Variants in RMDN2 observed in about 807,000 individuals in gnomAD.
The protein encoded by RMDN2 is regulator of microtubule dynamics 2, also known as regulator of microtubule dynamics protein 2.
RMDN2 carries 61 observed loss-of-function variants against 52.8 expected under a neutral mutation model. The ratio of observed to expected loss-of-function variants is 1.16; its 90% CI spans 0.94 to 1.43. The LOEUF (loss-of-function observed/expected upper bound fraction) is 1.43, where lower values mean the gene tolerates loss of function less well. Ranked by LOEUF, RMDN2 falls within the 40% of genes most tolerant of loss-of-function variation. The pLI is 0.00. For missense variants in RMDN2, 592 were observed against 475.3 expected, an observed-to-expected ratio of 1.25 and a Z score of -2.28; for synonymous variants, 180 against 153.1, an observed-to-expected ratio of 1.18 and a Z score of -1.30.
intron 10 of RMDN2, among the ~76,000 whole-genome samples, chr2:38,064,000 A>G (rs1225864242): frequency 6.6e-6 from 1 of 152,090 alleles, no homozygotes; most frequent in East Asian, 1.9e-4. Context: ...GTGTGTGTGT[A>G]TATATACATA....
At chr2:37,983,004 T>C (rs548678577) in intron 5 of RMDN2, among the ~76,000 whole-genome samples, 2 of 152,184 alleles carry the variant, frequency 1.3e-5, no homozygotes, top group African/African-American at 4.8e-5. Context: ...GTCCTACTTT[T>C]AACTCTCAAC....
intron 2 of RMDN2, among the ~76,000 whole-genome samples, chr2:37,933,198 A>C (rs945913929): frequency 5.3e-5 from 8 of 151,638 alleles, no homozygotes; most frequent in African/African-American, 1.9e-4. Flanking sequence ...GATGCTCCTC[A>C]CTTCCCAGAT....
chr2:37,934,773 T>G (rs1464680200), intron 2 of RMDN2, among the ~76,000 whole-genome samples: 1 of 152,162 alleles, frequency 6.6e-6, no homozygotes, highest in African/African-American at 2.4e-5. Flanking sequence ...CAGTTTCAAT[T>G]TTAAGTTATT....
chr2:37,983,309 A>G (rs960686668), intron 5 of RMDN2, among the ~76,000 whole-genome samples: 6 of 152,176 alleles, frequency 3.9e-5, no homozygotes, highest in African/African-American at 1.4e-4. Context: ...CTTGAAATGT[A>G]TCTTGTGAGC....
chr2:37,928,282 G>T (rs958481880), intron 1 of RMDN2, among the ~76,000 whole-genome samples: 2 of 152,198 alleles, frequency 1.3e-5, no homozygotes, highest in African/African-American at 4.8e-5. Flanking sequence ...ATGGCTGCTT[G>T]TTCTCTCAGA....
intron 2 of RMDN2, 117 bp from the exon 3 acceptor site, chr2:37,973,923 T>A (rs1672122684): frequency 1.3e-6 from 1 of 759,466 alleles, no homozygotes; most frequent in South Asian, 1.7e-5. Flanking sequence ...TGAAAGCACG[T>A]GCCACTGCAG....
intron 2 of RMDN2, among the ~76,000 whole-genome samples, chr2:37,966,345 A>T (rs566216061): frequency 2.5e-4 from 38 of 151,992 alleles, no homozygotes; most frequent in African/African-American, 8.2e-4. Context: ...TGAACCCAGG[A>T]GGCAGAACTT....
intron 10 of RMDN2, among the ~76,000 whole-genome samples, chr2:38,025,366 GGT>G (rs1679701809): frequency 6.6e-6 from 1 of 151,916 alleles, no homozygotes; most frequent in South Asian, 2.1e-4. Context: ...ACTTATTTCT[GGT>G]AGCGTTTTTG....
chr2:38,034,036 C>T (rs1680406258), intron 10 of RMDN2, among the ~76,000 whole-genome samples: 1 of 152,212 alleles, frequency 6.6e-6, no homozygotes, highest in South Asian at 2.1e-4. Flanking sequence ...TATTTTGTAA[C>T]TACAAAGAAT....
chr2:38,017,635 G>A lies in RMDN2; in HGVS notation c.*396G>A. 1.8e-6 allele frequency: 2 copies of A among 1,107,516 alleles called. No individual in the cohort carries two copies. Among genetic ancestry groups the A allele is most frequent in the Non-Finnish European group, 1.2e-6 (1 of 835,708 alleles). 68.6% of individuals were successfully genotyped at this position (1,107,516 alleles called of 1,614,324 possible). On this transcript the variant is annotated 3_prime_UTR_variant, in exon 11 of 11. Transcript: ENST00000354545. ...GATGAAAAATGGAAAACTCAGCAAA[G>A]GACATGAACAAGTTGTTGGCAGAAG...
At position 37,938,622 on chromosome 2, in the gene RMDN2, G is replaced by A. The variant is rs1226184190; in HGVS notation, c.452+8893G>A. On this transcript the variant is annotated intron_variant, in intron 2 of 10. Coordinates refer to ENST00000354545, the MANE Select transcript of RMDN2 (RefSeq NM_001170791.3). ...TTGACTTCTTCCTGGTTTAGTCTTGGGAGGGTGTATGTGTCCAGGAATTTA... is the reference window on the plus strand; with the variant it reads ...TTGACTTCTTCCTGGTTTAGTCTTGAGAGGGTGTATGTGTCCAGGAATTTA... Among the ~76,000 whole-genome samples, 4 of 152,250 alleles carry A rather than the reference G, an allele frequency of 2.6e-5. No homozygotes were observed. In the South Asian group the frequency reaches 8.3e-4, roughly 32 times the overall value.
intron 10 of RMDN2, among the ~76,000 whole-genome samples, chr2:38,043,767 A>G (rs1681105616): frequency 1.3e-5 from 2 of 152,094 alleles, no homozygotes; most frequent in South Asian, 4.1e-4. Context: ...GACATCTTTT[A>G]GTAATATATT....
chr2:38,061,680 CTGAA>C (rs2125308802), intron 10 of RMDN2, among the ~76,000 whole-genome samples: 1 of 92,870 alleles, frequency 1.1e-5, no homozygotes, highest in South Asian at 3.7e-4. Context: ...TTATAATTAA[CTGAA>C]ATCTTATTTT....
At chr2:37,952,021 C>T in intron 2 of RMDN2, 1 of 1,612,760 alleles carries the variant, frequency 6.2e-7, no homozygotes, top group Non-Finnish European at 8.5e-7. Context: ...CCACAGCATC[C>T]CTCTCAAAGT....
intron 10 of RMDN2, among the ~76,000 whole-genome samples, chr2:38,022,749 A>AG (rs1201676747): frequency 6.6e-6 from 1 of 152,236 alleles, no homozygotes; most frequent in Non-Finnish European, 1.5e-5. Context: ...TGTGCCTAAA[A>AG]GTTATCAAAA....
intron 4 of RMDN2, among the ~76,000 whole-genome samples, chr2:37,976,556 C>G (rs772096896): frequency 6.6e-6 from 1 of 152,158 alleles, no homozygotes; most frequent in Non-Finnish European, 1.5e-5. Flanking sequence ...GATTCATTTG[C>G]TGAATGACCT....
chr2:37,938,637 C>A (rs13000872), intron 2 of RMDN2, among the ~76,000 whole-genome samples: 76,005 of 151,960 alleles, frequency 0.5, 19,425 homozygotes, highest in South Asian at 0.6. Flanking sequence ...GTGTATGTGT[C>A]CAGGAATTTA....
chr2:37,923,684 A>C (rs967203654), upstream of RMDN2, among the ~76,000 whole-genome samples: 1 of 152,268 alleles, frequency 6.6e-6, no homozygotes, highest in Non-Finnish European at 1.5e-5. Flanking sequence ...TGTAGAAGGT[A>C]ATATTTTACT....
intron 2 of RMDN2, among the ~76,000 whole-genome samples, chr2:37,934,382 G>T (rs1350377793): frequency 6.6e-6 from 1 of 152,092 alleles, no homozygotes; most frequent in Non-Finnish European, 1.5e-5. Flanking sequence ...CTGATTTTCT[G>T]CTGGGTATGG....
Sources: allele counts gnomAD v4.1 joint callset (sites outside exome capture counted in the v4.1 genomes callset), GRCh38; gene constraint gnomAD v4.1.1; transcripts MANE v1.5; gene names NCBI Gene and HGNC (gene_info 2026-07-23, HGNC 2026-07-21).